Variants in REDIC1 observed in about 807,000 individuals in gnomAD.
REDIC1 encodes HEI10 Interacting Protein 1.
At chr12:39,684,896 C>G in the REDIC1 span, 3 of 1,612,560 alleles carry the variant, frequency 1.9e-6, no homozygotes, top group Admixed American at 3.3e-5. Context: ...GAATTGCACT[C>G]TAAGCAGTCA....
the REDIC1 span, among the ~76,000 whole-genome samples, chr12:39,695,333 C>T: frequency 6.6e-6 from 1 of 152,108 alleles, no homozygotes; most frequent in African/African-American, 2.4e-5. Flanking sequence ...TCTTGGATGG[C>T]ATTTCTGGAC....
the REDIC1 span, among the ~76,000 whole-genome samples, chr12:39,660,745 G>A: frequency 0.02 from 3,088 of 151,886 alleles, 43 homozygotes; most frequent in South Asian, 0.029. Context: ...TCAAATATTA[G>A]CACTTGTTCA....
the REDIC1 span, among the ~76,000 whole-genome samples, chr12:39,795,698 T>G: frequency 1.3e-5 from 2 of 152,176 alleles, no homozygotes; most frequent in Non-Finnish European, 2.9e-5. Context: ...TACTTTCGAG[T>G]AAATCTTTAC....
At chr12:39,699,413 CAGG>C in the REDIC1 span, among the ~76,000 whole-genome samples, 1 of 152,212 alleles carries the variant, frequency 6.6e-6, no homozygotes. Context: ...AATGGCACAC[CAGG>C]AGATTATATC....
the REDIC1 span, among the ~76,000 whole-genome samples, chr12:39,809,228 T>C: frequency 6.6e-6 from 1 of 152,176 alleles, no homozygotes. Flanking sequence ...TGGCCATGCA[T>C]ATATGGATCT....
the REDIC1 span, among the ~76,000 whole-genome samples, chr12:39,763,980 G>T: frequency 5.8e-4 from 88 of 152,160 alleles, no homozygotes; most frequent in East Asian, 0.013. Flanking sequence ...ACAGTGGAAG[G>T]TATGGCCACA....
chr12:39,647,924 G>A, the REDIC1 span: 2 of 1,603,906 alleles, frequency 1.2e-6, no homozygotes, highest in East Asian at 4.5e-5. Flanking sequence ...TTTCACATCT[G>A]GAATAGCACC....
At chr12:39,902,605 G>A in the REDIC1 span, among the ~76,000 whole-genome samples, 1 of 151,986 alleles carries the variant, frequency 6.6e-6, no homozygotes, top group South Asian at 2.1e-4. Flanking sequence ...TCACAAAAGT[G>A]AAATCTAGAA....
the REDIC1 span, among the ~76,000 whole-genome samples, chr12:39,895,689 T>C: frequency 6.8e-6 from 1 of 147,286 alleles, no homozygotes; most frequent in African/African-American, 2.5e-5. Flanking sequence ...TACACACATA[T>C]GTATATGCGT....
chr12:39,869,047 A>G, the REDIC1 span, among the ~76,000 whole-genome samples: 1 of 152,226 alleles, frequency 6.6e-6, no homozygotes. Flanking sequence ...AAGGTTAAAA[A>G]TTCGAGGCTA....
chr12:39,669,078 T>C, the REDIC1 span, among the ~76,000 whole-genome samples: 2 of 152,230 alleles, frequency 1.3e-5, no homozygotes, highest in Admixed American at 6.5e-5. Context: ...CCATCCAGCT[T>C]TGTTCCCTTG....
chr12:39,887,350 C>A, the REDIC1 span, among the ~76,000 whole-genome samples: 1 of 152,090 alleles, frequency 6.6e-6, no homozygotes, highest in Non-Finnish European at 1.5e-5. Flanking sequence ...AGTACCCTGC[C>A]CCTTAAGGGG....
chr12:39,860,367 G>A, the REDIC1 span, among the ~76,000 whole-genome samples: 48 of 152,186 alleles, frequency 3.2e-4, no homozygotes, highest in Non-Finnish European at 1.2e-4. Context: ...ACTACTAGTG[G>A]TTTACAAATA....
the REDIC1 span, among the ~76,000 whole-genome samples, chr12:39,896,345 T>TATGTATGTATATGTGTATGTATGTATAC: frequency 7.3e-6 from 1 of 136,114 alleles, no homozygotes; most frequent in Admixed American, 7.3e-5. Context: ...TGTATACATA[T>TATGTATGTATATGTGTATGTATGTATAC]ATGTATGTAT....
chr12:39,779,576 A>G, the REDIC1 span, among the ~76,000 whole-genome samples: 12 of 152,294 alleles, frequency 7.9e-5, no homozygotes, highest in East Asian at 2.3e-3. Flanking sequence ...AAAAAATTAA[A>G]ACACTTTTTT....
chr12:39,643,553 G>A, the REDIC1 span, among the ~76,000 whole-genome samples: 1 of 151,498 alleles, frequency 6.6e-6, no homozygotes, highest in Non-Finnish European at 1.5e-5. Flanking sequence ...ATAGCATTCT[G>A]TTTTAAAGGT....
chr12:39,898,583 T>C, the REDIC1 span, among the ~76,000 whole-genome samples: 6 of 152,276 alleles, frequency 3.9e-5, no homozygotes, highest in Admixed American at 3.9e-4. Context: ...AGGGACATTT[T>C]TATTGTAACA....
At chr12:39,648,247 G>T in the REDIC1 span, among the ~76,000 whole-genome samples, 1 of 151,858 alleles carries the variant, frequency 6.6e-6, no homozygotes, top group Non-Finnish European at 1.5e-5. Flanking sequence ...ATTGAAAGTA[G>T]TTCAGTGTGT....
the REDIC1 span, among the ~76,000 whole-genome samples, chr12:39,898,481 G>C: frequency 2.1e-5 from 3 of 139,974 alleles, no homozygotes; most frequent in Admixed American, 2.2e-4. Context: ...CCACTCAGTA[G>C]TTCTATAGTA....
Sources: allele counts gnomAD v4.1 joint callset (sites outside exome capture counted in the v4.1 genomes callset), GRCh38; gene constraint gnomAD v4.1.1; transcripts MANE v1.5; gene names NCBI Gene and HGNC (gene_info 2026-07-23, HGNC 2026-07-21).